Variants in SYNE2 observed in about 807,000 individuals in gnomAD.
The protein encoded by SYNE2 is spectrin repeat containing nuclear envelope protein 2, also known as nesprin-2.
Under a neutral mutation model 856.3 loss-of-function variants are expected in SYNE2, and 431 were observed. The ratio of observed to expected loss-of-function variants is 0.50; its 90% CI spans 0.47 to 0.55. The LOEUF (loss-of-function observed/expected upper bound fraction) is 0.55. Among genes scored for constraint, SYNE2 ranks in the 20% least tolerant of loss-of-function variants. The pLI, the probability that SYNE2 is intolerant of heterozygous loss-of-function variation, is 0.00. For synonymous variants in SYNE2, 2,923 were observed against 2,872.3 expected (o/e 1.02, Z -0.56); for missense variants, 8,129 against 8,023.2 (o/e 1.01, Z -0.50).
At chr14:63,852,091 T>A (rs1403704705), upstream of SYNE2, among the ~76,000 whole-genome samples, 1 of 145,508 alleles carries the variant, frequency 6.9e-6, no homozygotes, top group Non-Finnish European at 1.5e-5. Flanking sequence ...GCCACTGTAC[T>A]CCAGCCTGGG....
At chr14:64,069,091 G>T (rs1010469475) in intron 51 of SYNE2, among the ~76,000 whole-genome samples, 1 of 152,090 alleles carries the variant, frequency 6.6e-6, no homozygotes, top group African/African-American at 2.4e-5. Context: ...TGCTACAGCT[G>T]CCCATTTCTG....
At chr14:63,841,834 T>C (rs1325691680) in intron 1 of SYNE2, among the ~76,000 whole-genome samples, 1 of 138,162 alleles carries the variant, frequency 7.2e-6, no homozygotes, top group Non-Finnish European at 1.6e-5. Flanking sequence ...CTTTCTTTCT[T>C]TTTTTTTTTT....
chr14:64,057,059 A>T (rs1475162131), intron 49 of SYNE2, among the ~76,000 whole-genome samples: 1 of 152,066 alleles, frequency 6.6e-6, no homozygotes, highest in Non-Finnish European at 1.5e-5. Context: ...TGATACGGGT[A>T]ATCAGTGTAA....
At chr14:63,936,107 T>A (rs1310006166) in intron 2 of SYNE2, among the ~76,000 whole-genome samples, 1 of 152,158 alleles carries the variant, frequency 6.6e-6, no homozygotes, top group Non-Finnish European at 1.5e-5. Context: ...ACTTCTGACC[T>A]TGTGATCCGC....
At position 64,076,032 on chromosome 14, in the gene SYNE2, A is replaced by T. The variant is rs765074531; in HGVS notation, c.10954A>T (p.Ile3652Leu). 8.7e-6 allele frequency: 14 copies of T among 1,613,882 alleles called. No homozygotes were observed. The highest frequency in any genetic ancestry group is 4.2e-6 in the Non-Finnish European group (5 of 1,179,890). The change falls in exon 54 of 116, where the codon ATA becomes TTA. Residue 3652 changes from isoleucine (I) to leucine (L), a missense_variant. Transcript: ENST00000555002. ...LRIKYSEMYT[I>L]VPAEIESQVE... ...AATCAAGTATTCCGAAATGTACACC[A>T]TAGTCCCTGCAGAGATTGAATCCCA...
At chr14:63,974,880 GTGTGTGTGTGTGTA>G (rs1566949579) in intron 11 of SYNE2, among the ~76,000 whole-genome samples, 586 of 28,514 alleles carry the variant, frequency 0.021, 8 homozygotes, top group South Asian at 0.039. Flanking sequence ...GTGTGTGTGT[GTGTGTGTGTGTGTA>G]TATATATATA....
intron 41 of SYNE2, among the ~76,000 whole-genome samples, chr14:64,026,025 C>A (rs1395548468): frequency 6.6e-6 from 1 of 152,134 alleles, no homozygotes. Context: ...AAATCACATT[C>A]ATTGAAGCAT....
In SYNE2 at chr14:64,000,629, A is replaced by G; in HGVS notation, c.3548A>G (p.His1183Arg). The G allele has an allele frequency of 6.2e-7, 1 of 1,613,632 alleles. No homozygotes were observed. Among genetic ancestry groups the G allele is most frequent in the Non-Finnish European group, 8.5e-7 (1 of 1,179,770 alleles). ...ATTATTTCATTGAAGTTAGAAAATC[A>G]TGTGAATGACATAAAAAAGCCTTTT... ...FEIISLKLENHVNDIKKPFVI... is the reference protein window; with the variant it reads ...FEIISLKLENRVNDIKKPFVI... Residue 1183 changes from histidine (H) to arginine (R), a missense_variant, in exon 28 of 116, where the codon CAT (histidine) becomes CGT (arginine). Physicochemically the swap from His to Arg is conservative, Grantham distance 29 (BLOSUM62 0). Around this residue, in one of 3 missense-constraint regions of SYNE2, gnomAD observed 2,422 missense variants for 2,357.4 expected, o/e 1.03. Transcript: ENST00000555002.
At chr14:64,077,620 G>A (rs901898776) in intron 54 of SYNE2, among the ~76,000 whole-genome samples, 1 of 110,392 alleles carries the variant, frequency 9.1e-6, no homozygotes, top group African/African-American at 3.1e-5. Context: ...AGTCTCAATG[G>A]TTATACAGAT....
intron 1 of SYNE2, among the ~76,000 whole-genome samples, chr14:63,856,397 C>A (rs886746797): frequency 2.6e-5 from 4 of 152,136 alleles, no homozygotes; most frequent in African/African-American, 9.7e-5. Context: ...ATGTCAAAAT[C>A]AAAAGACAGT....
chr14:63,912,521 A>G (rs1004783997), intron 2 of SYNE2, among the ~76,000 whole-genome samples: 1 of 152,220 alleles, frequency 6.6e-6, no homozygotes, highest in Non-Finnish European at 1.5e-5. Flanking sequence ...TTCATGTAAT[A>G]TAAGAGGCTC....
chr14:64,014,929 TTATATATATATA>T (rs372523173), intron 32 of SYNE2, among the ~76,000 whole-genome samples: 25,724 of 78,276 alleles, frequency 0.33, 5,005 homozygotes, highest in Non-Finnish European at 0.45. Flanking sequence ...GTATAATTCC[TTATATATATATA>T]TATATATATA....
intron 18 of SYNE2, among the ~76,000 whole-genome samples, chr14:63,985,874 G>A (rs1240890549): frequency 5.9e-5 from 9 of 152,044 alleles, no homozygotes; most frequent in African/African-American, 2.2e-4. Flanking sequence ...TAGACGTAGT[G>A]GCATACACCT....
chr14:64,146,078 T>C lies in SYNE2; in HGVS notation c.15494T>C (p.Leu5165Ser). The change falls in exon 84 of 116, where the codon TTA becomes TCA. Residue 5165 changes from leucine (L) to serine (S), a missense_variant. Coordinates refer to ENST00000555002, the MANE Select transcript of SYNE2 (RefSeq NM_182914.3). ...TTTACATTCACTTAGATACAACATT[T>C]AGAACAACTTCTAGAAAGTATCACT... ...HGMLNRKIQHLEQLLESITES... is the reference protein window; with the variant it reads ...HGMLNRKIQHSEQLLESITES... The C allele has an allele frequency of 6.3e-7, 1 of 1,580,918 alleles. No homozygotes were observed. The highest frequency in any genetic ancestry group is 8.6e-7 in the Non-Finnish European group (1 of 1,157,898).
chr14:64,091,105 G>C, intron 60 of SYNE2, 57 bp downstream of exon 60: 1 of 1,553,408 alleles, frequency 6.4e-7, no homozygotes, highest in Non-Finnish European at 8.8e-7. Flanking sequence ...CCAAAAGCTG[G>C]TTTGGTTTTC....
intron 1 of SYNE2, among the ~76,000 whole-genome samples, chr14:63,831,209 T>G (rs1313468508): frequency 1.3e-5 from 2 of 152,140 alleles, no homozygotes; most frequent in East Asian, 3.8e-4. Context: ...GAGTGTTTTT[T>G]CAGGAAGAGT....
chr14:64,060,872 C>T (rs2097311337), intron 49 of SYNE2, among the ~76,000 whole-genome samples: 1 of 152,274 alleles, frequency 6.6e-6, no homozygotes, highest in Middle Eastern at 3.4e-3. Context: ...CTAAATGCTT[C>T]ATGGGTGCTG....
At chr14:64,012,297 C>G (rs1371168315) in intron 32 of SYNE2, among the ~76,000 whole-genome samples, 1 of 152,178 alleles carries the variant, frequency 6.6e-6, no homozygotes, top group African/African-American at 2.4e-5. Context: ...TCCAGCTTCC[C>G]AACTTCTCAC....
chr14:64,053,082 G>A lies in SYNE2; in HGVS notation c.9169G>A (p.Ala3057Thr). The change falls in exon 48 of 116, where the codon GCT becomes ACT. Residue 3057 changes from alanine (A) to threonine (T), a missense_variant. Coordinates refer to ENST00000555002, the MANE Select transcript of SYNE2 (RefSeq NM_182914.3). ...KYQALLSKMR[A>T]IDLQIKKMTE... Reference sequence around the variant, plus strand: ...TCAGGCATTATTAAGTAAAATGAGAGCTATTGATTTGCAAATTAAGAAAAT... The same window carrying A: ...TCAGGCATTATTAAGTAAAATGAGAACTATTGATTTGCAAATTAAGAAAAT... 2.5e-6 allele frequency: 4 copies of A among 1,614,114 alleles called. No individual in the cohort carries two copies. Among genetic ancestry groups the A allele is most frequent in the Non-Finnish European group, 3.4e-6 (4 of 1,180,014 alleles).
Sources: allele counts gnomAD v4.1 joint callset (sites outside exome capture counted in the v4.1 genomes callset), GRCh38; gene constraint gnomAD v4.1.1; regional missense constraint gnomAD v4.1.1; transcripts MANE v1.5; gene names NCBI Gene and HGNC (gene_info 2026-07-23, HGNC 2026-07-21).